Variants in ERAP1 observed in about 807,000 individuals in gnomAD.
ERAP1 encodes the protein endoplasmic reticulum aminopeptidase 1, also known as adipocyte-derived leucine aminopeptidase.
Under a neutral mutation model 103.7 loss-of-function variants are expected in ERAP1, and 86 were observed. The ratio of observed to expected loss-of-function variants is 0.83; its 90% CI spans 0.70 to 0.99. The LOEUF is 0.99. Among genes scored for constraint, ERAP1 ranks in the 50% least tolerant of loss-of-function variants. ERAP1 has a pLI of 0.00. For synonymous variants in ERAP1, 398 were observed against 402.4 expected (o/e 0.99, Z 0.13); for missense variants, 1,009 against 1,128.4 (o/e 0.89, Z 1.52).
At chr5:96,852,720 G>A in the ERAP1 span, among the ~76,000 whole-genome samples, 4 of 152,084 alleles carry the variant, frequency 2.6e-5, no homozygotes, top group African/African-American at 4.8e-5. Flanking sequence ...TTAAAATCCC[G>A]TAGTTTTAAA....
the ERAP1 span, chr5:96,896,829 C>T: frequency 8.1e-7 from 1 of 1,227,472 alleles, no homozygotes; most frequent in Non-Finnish European, 1.0e-6. Flanking sequence ...TATAGAAATG[C>T]TAAGAATGAT....
At chr5:96,765,364 G>C (rs1216257245) in intron 19 of ERAP1, 2 of 714,858 alleles carry the variant, frequency 2.8e-6, no homozygotes, top group African/African-American at 2.1e-5. Flanking sequence ...TTCACTAATA[G>C]TGAAATTTTA....
chr5:96,910,774 T>A, the ERAP1 span, among the ~76,000 whole-genome samples: 2 of 152,234 alleles, frequency 1.3e-5, no homozygotes, highest in African/African-American at 4.8e-5. Flanking sequence ...TAGTATGAAT[T>A]TTAATGAAGA....
At chr5:96,905,864 A>AAAAC in the ERAP1 span, among the ~76,000 whole-genome samples, 1 of 152,208 alleles carries the variant, frequency 6.6e-6, no homozygotes, top group Non-Finnish European at 1.5e-5. Flanking sequence ...TCTGTCTCAA[A>AAAAC]AAACAAACAA....
At chr5:96,886,526 C>T in the ERAP1 span, 2 of 614,692 alleles carry the variant, frequency 3.3e-6, no homozygotes, top group African/African-American at 1.9e-5. Context: ...AGGCCATTGC[C>T]CCCCTAGGAG....
chr5:96,867,339 T>C, the ERAP1 span, among the ~76,000 whole-genome samples: 79 of 152,254 alleles, frequency 5.2e-4, no homozygotes, highest in South Asian at 0.016. Flanking sequence ...GCTTTAGTTA[T>C]GGCTGCATAA....
At chr5:96,782,797 CTATACAAAATGAGAA>C (rs1387090961) in intron 15 of ERAP1, among the ~76,000 whole-genome samples, 16 of 152,136 alleles carry the variant, frequency 1.1e-4, no homozygotes, top group African/African-American at 3.9e-4. Flanking sequence ...TTTGCATTGC[CTATACAAAATGAGAA>C]TTATTCCCAT....
the ERAP1 span, among the ~76,000 whole-genome samples, chr5:96,827,663 C>G: frequency 7.8e-6 from 1 of 128,596 alleles, no homozygotes; most frequent in Non-Finnish European, 1.6e-5. Context: ...AGACTCATCT[C>G]AAAATAAATA....
intron 1 of ERAP1, chr5:96,804,539 G>A (rs898086214): frequency 6.4e-6 from 1 of 155,870 alleles, no homozygotes; most frequent in African/African-American, 2.4e-5. Flanking sequence ...AAATTGTCAT[G>A]CCAAAAGTTA....
chr5:96,887,097 A>ATG, the ERAP1 span, among the ~76,000 whole-genome samples: 1 of 102,418 alleles, frequency 9.8e-6, no homozygotes, highest in Non-Finnish European at 2.0e-5. Context: ...ATATATATAT[A>ATG]TATACACACA....
At chr5:96,865,805 G>A in the ERAP1 span, among the ~76,000 whole-genome samples, 2 of 152,274 alleles carry the variant, frequency 1.3e-5, no homozygotes, top group East Asian at 3.9e-4. Context: ...TGGAATGGAT[G>A]AATGGCCTTC....
the ERAP1 span, among the ~76,000 whole-genome samples, chr5:96,914,146 T>TCACACACACACACACACACA: frequency 3.6e-4 from 38 of 104,720 alleles, no homozygotes; most frequent in African/African-American, 1.2e-3. Flanking sequence ...TCTCTCTCTC[T>TCACACACACACACACACACA]CTCACACACA....
At chr5:96,883,398 C>A in the ERAP1 span, among the ~76,000 whole-genome samples, 1 of 152,200 alleles carries the variant, frequency 6.6e-6, no homozygotes, top group African/African-American at 2.4e-5. Context: ...CTATCTGAGG[C>A]CCTTTCAGGT....
At chr5:96,836,176 G>GTTTTTTTTT in the ERAP1 span, among the ~76,000 whole-genome samples, 22 of 106,678 alleles carry the variant, frequency 2.1e-4, no homozygotes, top group East Asian at 2.7e-4. Context: ...CACCTCTTTG[G>GTTTTTTTTT]TTTTTTTTTT....
downstream of ERAP1, chr5:96,774,240 C>G (rs1478430545): frequency 1.3e-5 from 2 of 153,970 alleles, no homozygotes; most frequent in Admixed American, 6.5e-5. Context: ...TTCAGTATTA[C>G]TAATTTCCAT....
the ERAP1 span, among the ~76,000 whole-genome samples, chr5:96,897,555 G>A: frequency 6.6e-6 from 1 of 151,550 alleles, no homozygotes; most frequent in Admixed American, 6.6e-5. Flanking sequence ...TTTTTTTAAT[G>A]TGATAGCACC....
chr5:96,809,637 A>C (rs1263130225), upstream of ERAP1, among the ~76,000 whole-genome samples: 1 of 152,150 alleles, frequency 6.6e-6, no homozygotes, highest in Non-Finnish European at 1.5e-5. Context: ...GATCCAGGGA[A>C]GTTTTTTTCA....
the ERAP1 span, among the ~76,000 whole-genome samples, chr5:96,839,267 G>T: frequency 6.6e-6 from 1 of 152,228 alleles, no homozygotes; most frequent in Admixed American, 6.5e-5. Flanking sequence ...GCTTCATTAT[G>T]TAAACATGAT....
chr5:96,916,296 A>G, the ERAP1 span, among the ~76,000 whole-genome samples: 2 of 151,880 alleles, frequency 1.3e-5, no homozygotes, highest in African/African-American at 2.4e-5. Flanking sequence ...TACTTAAAAT[A>G]CGTGTATTCA....
Sources: gnomAD v4.1 joint callset for allele counts (sites outside exome capture counted in the v4.1 genomes callset) on GRCh38, gnomAD v4.1.1 for gene constraint, MANE v1.5 for transcripts, NCBI Gene and HGNC (gene_info 2026-07-23, HGNC 2026-07-21) for gene names.